Variants in NCKAP5L observed in about 807,000 individuals in gnomAD.
The protein encoded by NCKAP5L is NCK associated protein 5 like.
NCKAP5L carries 54 observed loss-of-function variants against 103.2 expected under a neutral mutation model. The observed-to-expected ratio is 0.52, with a 90% CI of 0.42 to 0.66. NCKAP5L has a LOEUF of 0.66. NCKAP5L is among the 30% of genes least tolerant of loss of function. The probability of loss-of-function intolerance (pLI) is 0.00; values close to 1 mark genes in which losing one functional copy is unlikely to be tolerated. For missense variants in NCKAP5L, 1,733 were observed against 1,750.6 expected, an observed-to-expected ratio of 0.99 and a Z score of 0.18; for synonymous variants, 762 against 748.6, an observed-to-expected ratio of 1.02 and a Z score of -0.29.
At chr12:49,816,698 G>A (rs372582017) in intron 1 of NCKAP5L, among the ~76,000 whole-genome samples, 1 of 151,684 alleles carries the variant, frequency 6.6e-6, no homozygotes, top group Non-Finnish European at 1.5e-5. Flanking sequence ...TTGGGAGGCT[G>A]AGGCAGAAGA....
chr12:49,818,531 G>A (rs1477695718), intron 1 of NCKAP5L, among the ~76,000 whole-genome samples: 2 of 151,990 alleles, frequency 1.3e-5, no homozygotes, highest in Admixed American at 6.6e-5. Flanking sequence ...CTAATTTTTT[G>A]GATTTTTTTT....
At chr12:49,815,169 T>G (rs1262041827) in intron 1 of NCKAP5L, among the ~76,000 whole-genome samples, 10 of 152,238 alleles carry the variant, frequency 6.6e-5, no homozygotes, top group Admixed American at 5.2e-4. Flanking sequence ...TAAATATTTT[T>G]GGGGGCAATA....
Position 49,792,993 on chromosome 12 carries a change from AG to A in NCKAP5L, c.3341-8del. The A allele has an allele frequency of 1.3e-6, 2 of 1,501,702 alleles. No individual in the cohort carries two copies. The highest frequency in any genetic ancestry group is 1.8e-6 in the Non-Finnish European group (2 of 1,126,496). 93.0% of individuals were successfully genotyped at this position (1,501,702 alleles called of 1,614,324 possible). A position where few individuals can be genotyped will look rare whatever the true frequency, so the allele number is the denominator to read the frequency against. ...CGAGTCAAGGAGCCACAGGCTGGGG[AG>A]GGGAGGGGAGGGCCCGTTAAGAGTG... On this transcript the variant is annotated splice_region_variant and splice_polypyrimidine_tract_variant and intron_variant, in intron 10 of 12. Transcript: ENST00000335999. This position sits in a 1 kb window ranked among gnomAD's most constrained non-coding sequence, Gnocchi z 4.5.
intron 1 of NCKAP5L, among the ~76,000 whole-genome samples, chr12:49,818,613 T>A (rs4488285): frequency 0.37 from 56,495 of 151,770 alleles, 10,817 homozygotes; most frequent in South Asian, 0.46. Context: ...TGCCTGCCTC[T>A]CCCTCCCAAA....
Position 49,792,209 on chromosome 12 carries a change from C to A in NCKAP5L, c.3793-158G>T. On this transcript the variant is annotated intron_variant, in intron 12 of 12. Coordinates refer to ENST00000335999, the MANE Select transcript of NCKAP5L (RefSeq NM_001037806.4). The surrounding 1 kb of genome is among the most constrained non-coding windows in gnomAD (Gnocchi z 4.5). ...CTTCAGAGGAAACAGGCTGGAGGTA[C>A]AACTGAGAACAGTCCTACAAGGTTC... is the stretch of plus-strand genomic sequence containing the variant. 2 of 1,043,960 alleles carry A rather than the reference C, an allele frequency of 1.9e-6. No homozygotes were observed. The highest frequency in any genetic ancestry group is 2.8e-6 in the Non-Finnish European group (2 of 706,398). 64.7% of individuals were successfully genotyped at this position (1,043,960 alleles called of 1,614,324 possible).
chr12:49,804,224 A>T (rs544043956), intron 2 of NCKAP5L, 144 bp from the exon 3 acceptor site: 2 of 647,000 alleles, frequency 3.1e-6, no homozygotes, highest in Non-Finnish European at 5.0e-6. Context: ...GGTCACGGTC[A>T]CGGGGCAGAC....
chr12:49,797,527 G>T lies in NCKAP5L; in HGVS notation c.466-133C>A. On this transcript the variant is annotated intron_variant, in intron 7 of 12. Transcript: ENST00000335999. The surrounding 1 kb of genome is among the most constrained non-coding windows in gnomAD (Gnocchi z 4.5). The stretch of plus-strand genomic sequence containing the variant: ...CCTGGTTGTGTCTGTGTCCCCAAAA[G>T]GAATTAACAGCAACTGGGATATGAT... 1.5e-6 allele frequency: 1 copy of T among 665,318 alleles called. No homozygotes were observed. The highest frequency in any genetic ancestry group is 2.5e-6 in the Non-Finnish European group (1 of 394,466). 41.2% of individuals were successfully genotyped at this position (665,318 alleles called of 1,614,324 possible).
chr12:49,807,826 C>T (rs992950325), intron 1 of NCKAP5L, among the ~76,000 whole-genome samples: 14 of 152,140 alleles, frequency 9.2e-5, no homozygotes, highest in African/African-American at 3.4e-4. Context: ...TCAATCCCCT[C>T]ACCATCAGAG....
intron 1 of NCKAP5L, among the ~76,000 whole-genome samples, chr12:49,810,642 G>A (rs867110782): frequency 6.6e-6 from 1 of 152,124 alleles, no homozygotes; most frequent in Admixed American, 6.5e-5. Context: ...GTGTGATACC[G>A]CAAAAGATTG....
intron 2 of NCKAP5L, 115 bp downstream of exon 2, chr12:49,805,865 G>A (rs1946173421): frequency 2.0e-5 from 3 of 152,192 alleles, no homozygotes; most frequent in Non-Finnish European, 4.4e-5. Flanking sequence ...TAGGAGAGAG[G>A]TGTCCTCAGC....
Position 49,811,530 on chromosome 12 carries a change from C to T in NCKAP5L, c.-98-5489G>A, listed in dbSNP as rs554538755. ...CAAAGCCAGTCCTGCTTGTCCCAGA[C>T]TTTCCCCATTTACGTCTTCAGTATC... On this transcript the variant is annotated intron_variant, in intron 1 of 12. Transcript: ENST00000335999. Among the ~76,000 whole-genome samples the T allele has an allele frequency of 7.2e-5, 11 of 152,206 alleles. No homozygotes were observed. The South Asian group carries it at 2.3e-3, about 32-fold the overall frequency.
intron 1 of NCKAP5L, among the ~76,000 whole-genome samples, chr12:49,807,634 GA>G (rs778590922): frequency 6.6e-6 from 1 of 151,874 alleles, no homozygotes; most frequent in Non-Finnish European, 1.5e-5. Flanking sequence ...TACAGGCCTG[GA>G]AAAAAAATGA....
intron 1 of NCKAP5L, among the ~76,000 whole-genome samples, chr12:49,827,130 G>A (rs1946426258): frequency 6.6e-6 from 1 of 152,186 alleles, no homozygotes; most frequent in Non-Finnish European, 1.5e-5. Flanking sequence ...TCTGCAACAA[G>A]GCAAATGGGC....
rs775235522 is a variant in NCKAP5L at position 49,795,008 on chromosome 12, C to T, written c.2852G>A (p.Arg951Gln). 7.2e-5 allele frequency: 115 copies of T among 1,601,030 alleles called. No homozygotes were observed. The highest frequency in any genetic ancestry group is 9.4e-5 in the African/African-American group (7 of 74,494). ...KEGAGGGSPLRREVKMEARKL... is the reference protein window; with the variant it reads ...KEGAGGGSPLQREVKMEARKL... ...CCGGGCTTCCATCTTGACTTCCCTCCGGAGCGGGGAGCCCCCGCCAGCCCC... is the reference window on the plus strand; with the variant it reads ...CCGGGCTTCCATCTTGACTTCCCTCTGGAGCGGGGAGCCCCCGCCAGCCCC... The change falls in exon 8 of 13, where the codon CGG (arginine) becomes CAG (glutamine). Residue 951 changes from arginine (R) to glutamine (Q), a missense_variant. Coordinates refer to ENST00000335999, the MANE Select transcript of NCKAP5L (RefSeq NM_001037806.4).
chr12:49,803,210 A>G, intron 3 of NCKAP5L, 45 bp from the exon 4 acceptor site: 1 of 1,598,392 alleles, frequency 6.3e-7, no homozygotes, highest in Non-Finnish European at 8.6e-7. Flanking sequence ...GGCTTTGGGG[A>G]TTATTCTTCC....
intron 8 of NCKAP5L, 89 bp downstream of exon 8, chr12:49,794,676 G>T: frequency 9.5e-7 from 1 of 1,056,436 alleles, no homozygotes; most frequent in Non-Finnish European, 1.3e-6. Flanking sequence ...CCCAGGAAAA[G>T]CAGGCCTAGC....
At position 49,792,846 on chromosome 12, in the gene NCKAP5L, C is replaced by G. The variant is rs1370836863; in HGVS notation, c.3481G>C (p.Ala1161Pro). ...RLDPPPGVPP[A>P]RPPPLTKVPR... ...ACTTTGGTAAGGGGTGGGGGCCGAG[C>G]TGGGGGTACCCCAGGTGGGGGATCC... The change falls in exon 11 of 13, where the codon GCT becomes CCT. Residue 1161 changes from alanine (A) to proline (P), a missense_variant. Ala to Pro is a conservative substitution (Grantham distance 27). Coordinates refer to ENST00000335999, the MANE Select transcript of NCKAP5L (RefSeq NM_001037806.4). This position sits in a 1 kb window ranked among gnomAD's most constrained non-coding sequence, Gnocchi z 4.5. 6.4e-7 allele frequency: 1 copy of G among 1,557,276 alleles called. No homozygotes were observed. Among genetic ancestry groups the G allele is most frequent in the Non-Finnish European group, 8.6e-7 (1 of 1,156,638 alleles).
chr12:49,820,334 T>G (rs1592762609), intron 1 of NCKAP5L, among the ~76,000 whole-genome samples: 1 of 145,708 alleles, frequency 6.9e-6, no homozygotes, highest in Non-Finnish European at 1.5e-5. Context: ...TTTTTTTTTT[T>G]GAGATGGAGT....
At chr12:49,793,491 A>C in intron 9 of NCKAP5L, 58 bp from the exon 10 acceptor site, 2 of 1,537,918 alleles carry the variant, frequency 1.3e-6, no homozygotes, top group Non-Finnish European at 1.8e-6. Flanking sequence ...ACCCCTCCCC[A>C]TGCCTCTAGA....
Sources: gnomAD v4.1 joint callset for allele counts (sites outside exome capture counted in the v4.1 genomes callset) on GRCh38, gnomAD v4.1.1 for gene constraint, Gnocchi (gnomAD v3.1) non-coding constraint, MANE v1.5 for transcripts, NCBI Gene and HGNC (gene_info 2026-07-23, HGNC 2026-07-21) for gene names.